ZNF536: variants seen among roughly 807,000 people sequenced by gnomAD.
ZNF536 encodes zinc finger protein 536.
Under a neutral mutation model 84.5 loss-of-function variants are expected in ZNF536, and 13 were observed. That is an observed-to-expected ratio of 0.15 (90% CI 0.10 to 0.24). The LOEUF (loss-of-function observed/expected upper bound fraction) is 0.24, where lower values mean the gene tolerates loss of function less well. Among genes scored for constraint, ZNF536 ranks in the 10% least tolerant of loss-of-function variants. ZNF536 has a pLI of 1.00. For synonymous variants in ZNF536, 811 were observed against 742.5 expected (o/e 1.09, Z -1.50); for missense variants, 1,536 against 1,747.5 (o/e 0.88, Z 2.16).
At chr19:30,459,283 T>C (rs1229456549) in intron 2 of ZNF536, among the ~76,000 whole-genome samples, 3 of 151,234 alleles carry the variant, frequency 2.0e-5, no homozygotes, top group Admixed American at 1.3e-4. Context: ...TTTGGGTACA[T>C]CTTTCTTTTT....
At chr19:30,636,733 A>G (rs1053500002) in intron 1 of ZNF536, among the ~76,000 whole-genome samples, 6 of 152,128 alleles carry the variant, frequency 3.9e-5, no homozygotes, top group African/African-American at 1.4e-4. Context: ...ACATGTTTCA[A>G]TGTCATACTC....
chr19:30,236,704 CT>C lies in ZNF536; in HGVS notation c.-190+8034del, dbSNP rs372016682. On this transcript the variant is annotated intron_variant, in intron 1 of 5. Coordinates refer to the ZNF536 transcript ENST00000585628. ...CTGCCACCCCAAGAAGACACAGTGG[CT>C]TTCTTAGTAGGTGACAAACGATTAG... Among the ~76,000 whole-genome samples, 45 of 152,280 alleles carry C rather than the reference CT, an allele frequency of 3.0e-4. 1 individual carries two copies. The South Asian group carries it at 8.9e-3, about 30-fold the overall frequency.
At chr19:30,687,049 A>G (rs2051217560) in intron 1 of ZNF536, among the ~76,000 whole-genome samples, 1 of 152,216 alleles carries the variant, frequency 6.6e-6, no homozygotes, top group Non-Finnish European at 1.5e-5. Flanking sequence ...TAGGCCCTTC[A>G]GCGAGGAGAT....
chr19:30,669,689 G>T (rs1468483605), intron 1 of ZNF536, among the ~76,000 whole-genome samples: 2 of 152,372 alleles, frequency 1.3e-5, no homozygotes, highest in Non-Finnish European at 1.5e-5. Flanking sequence ...CTTGCAGGGG[G>T]GCTGCGTGGG....
chr19:30,319,024 G>A (rs1009042918), intron 2 of ZNF536, among the ~76,000 whole-genome samples: 5 of 152,242 alleles, frequency 3.3e-5, no homozygotes, highest in African/African-American at 1.2e-4. Context: ...GCTTTAGCAA[G>A]TGAATAGATG....
chr19:30,536,157 C>T (rs2045070487), intron 3 of ZNF536, among the ~76,000 whole-genome samples: 1 of 152,150 alleles, frequency 6.6e-6, no homozygotes, highest in South Asian at 2.1e-4. Flanking sequence ...TGCGACCTGC[C>T]CATGCCTTGC....
chr19:30,262,309 GAC>G (rs1227103723), intron 1 of ZNF536, among the ~76,000 whole-genome samples: 1 of 152,222 alleles, frequency 6.6e-6, no homozygotes, highest in African/African-American at 2.4e-5. Flanking sequence ...GGTGGGAAGG[GAC>G]AGTCATGGAG....
At chr19:30,273,839 G>A (rs958875621) in intron 1 of ZNF536, among the ~76,000 whole-genome samples, 8 of 152,134 alleles carry the variant, frequency 5.3e-5, no homozygotes, top group East Asian at 1.9e-4. Flanking sequence ...TACACATGAT[G>A]TATGTTCTTA....
chr19:30,296,419 C>G (rs2045997766), intron 2 of ZNF536, among the ~76,000 whole-genome samples: 1 of 152,198 alleles, frequency 6.6e-6, no homozygotes, highest in Non-Finnish European at 1.5e-5. Flanking sequence ...TCTTCTTGGT[C>G]AAAGTTCCAG....
At position 30,528,482 on chromosome 19, in the gene ZNF536, T is replaced by C. The variant is rs560251415; in HGVS notation, c.2171-6365T>C. ...CCAGAAGACTTCACCAGTAGAGGAT[T>C]GACTCTTCTTAGTCAATTTCTGACC... On this transcript the variant is annotated intron_variant, in intron 2 of 4. Transcript: ENST00000355537. Among the ~76,000 whole-genome samples, 23 of 152,288 alleles carry C rather than the reference T, an allele frequency of 1.5e-4. No homozygotes were observed. The South Asian group carries it at 4.6e-3, about 30-fold the overall frequency.
intron 2 of ZNF536, chr19:30,296,209 A>C (rs2045991818): frequency 6.6e-6 from 1 of 152,400 alleles, no homozygotes. Context: ...AAGCAGCTGC[A>C]GTGGAGGTGG....
intron 2 of ZNF536, among the ~76,000 whole-genome samples, chr19:30,450,304 G>GC (rs2052542866): frequency 6.6e-6 from 1 of 152,128 alleles, no homozygotes; most frequent in Non-Finnish European, 1.5e-5. Context: ...CGGGGAGGCT[G>GC]CAGCAACAGG....
At chr19:30,664,364 T>C (rs971587019) in intron 1 of ZNF536, among the ~76,000 whole-genome samples, 10 of 151,956 alleles carry the variant, frequency 6.6e-5, no homozygotes, top group Non-Finnish European at 1.5e-4. Context: ...AACCCTGACC[T>C]TGGGCTGATG....
intron 1 of ZNF536, among the ~76,000 whole-genome samples, chr19:30,238,258 G>T (rs2023682075): frequency 6.6e-6 from 1 of 151,894 alleles, no homozygotes; most frequent in Non-Finnish European, 1.5e-5. Flanking sequence ...TTCCTGGCTG[G>T]TCTTTGGGGT....
At chr19:30,485,188 A>ACAT (rs763539054) in intron 2 of ZNF536, among the ~76,000 whole-genome samples, 16 of 143,984 alleles carry the variant, frequency 1.1e-4, no homozygotes, top group African/African-American at 1.8e-4. Flanking sequence ...ATACATAAAT[A>ACAT]AAATAAAATA....
Position 30,247,877 on chromosome 19 carries a change from T to C in ZNF536, c.-190+19204T>C, listed in dbSNP as rs529922801. On this transcript the variant is annotated intron_variant, in intron 1 of 5. Transcript: ENST00000585628. ...AGTAAATAAACATTAGCAAACCTTA[T>C]TTATTGCCTCCTTGGTTTTCTCCAG... Among the ~76,000 whole-genome samples, 3 of 152,322 alleles carry C rather than the reference T, an allele frequency of 2.0e-5. No individual in the cohort carries two copies. The East Asian group carries it at 5.8e-4, about 29-fold the overall frequency.
intron 1 of ZNF536, among the ~76,000 whole-genome samples, chr19:30,410,992 C>A (rs919603822): frequency 6.6e-6 from 1 of 152,124 alleles, no homozygotes; most frequent in African/African-American, 2.4e-5. Flanking sequence ...CTATTTAATT[C>A]TCTTAAACTT....
chr19:30,377,591 T>C (rs1443491773), intron 1 of ZNF536, among the ~76,000 whole-genome samples: 1 of 152,170 alleles, frequency 6.6e-6, no homozygotes, highest in Non-Finnish European at 1.5e-5. Context: ...AATGCTCGTA[T>C]ATATAGGATA....
chr19:30,657,613 A>T (rs2049963750), intron 1 of ZNF536, among the ~76,000 whole-genome samples: 1 of 152,164 alleles, frequency 6.6e-6, no homozygotes, highest in African/African-American at 2.4e-5. Flanking sequence ...GGAAGGACTC[A>T]TCCTTCCTTG....
Sources: allele counts gnomAD v4.1 joint callset (sites outside exome capture counted in the v4.1 genomes callset), GRCh38; gene constraint gnomAD v4.1.1; transcripts MANE v1.5; gene names NCBI Gene and HGNC (gene_info 2026-07-23, HGNC 2026-07-21).